Variants in ATAD1 observed in about 807,000 individuals in gnomAD.
ATAD1 encodes the protein ATPase family AAA domain containing 1.
Under a neutral mutation model 42.7 loss-of-function variants are expected in ATAD1, and 18 were observed. That is an observed-to-expected ratio of 0.42 (90% CI 0.29 to 0.63). The LOEUF (loss-of-function observed/expected upper bound fraction) is 0.63. Ranked by LOEUF, ATAD1 falls within the 20% of genes least tolerant of loss-of-function variation. ATAD1 has a pLI of 0.19. For missense variants in ATAD1, 294 were observed against 440.4 expected (o/e 0.67, Z 2.98); for synonymous variants, 132 against 143.1 (o/e 0.92, Z 0.55).
intron 4 of ATAD1, among the ~76,000 whole-genome samples, chr10:87,785,111 C>T (rs1406568753): frequency 1.3e-5 from 2 of 152,150 alleles, no homozygotes; most frequent in Non-Finnish European, 2.9e-5. Flanking sequence ...TAAGTTTTAG[C>T]CAAAGGACAT....
chr10:87,770,229 G>A (rs1414565727), intron 7 of ATAD1, among the ~76,000 whole-genome samples: 1 of 152,178 alleles, frequency 6.6e-6, no homozygotes, highest in African/African-American at 2.4e-5. Context: ...ATTAGAGTAA[G>A]TTCCTCTAAA....
rs1325689055 is a variant in ATAD1 at position 87,751,640 on chromosome 10, TAGAGA to T, written c.*3042_*3046del. 3 of 152,178 alleles carry T rather than the reference TAGAGA, an allele frequency of 2.0e-5. No individual in the cohort carries two copies. The highest frequency in any genetic ancestry group is 7.2e-5 in the African/African-American group (3 of 41,440). The allele number at this position is 152,178 out of a possible 1,614,324, so 9.4% of individuals were successfully genotyped here. A position where few individuals can be genotyped will look rare whatever the true frequency, so the allele number is the denominator to read the frequency against. On this transcript the variant is annotated 3_prime_UTR_variant, in exon 10 of 10. Coordinates refer to ENST00000680024, the MANE Select transcript of ATAD1 (RefSeq NM_001321967.2). ...AGAACTTTAGCTTTAAAAAAAAGATTAGAGAACTCTATCTTTGATAACTAAATCTA... is the reference window on the plus strand; with the variant it reads ...AGAACTTTAGCTTTAAAAAAAAGATTACTCTATCTTTGATAACTAAATCTA...
At chr10:87,798,837 T>C (rs1009518546) in intron 2 of ATAD1, among the ~76,000 whole-genome samples, 1 of 152,126 alleles carries the variant, frequency 6.6e-6, no homozygotes, top group Admixed American at 6.6e-5. Context: ...AGCTGACAAC[T>C]GCCTAGGGTA....
intron 2 of ATAD1, among the ~76,000 whole-genome samples, chr10:87,802,773 C>T (rs1054919144): frequency 1.3e-5 from 2 of 152,052 alleles, no homozygotes; most frequent in Non-Finnish European, 2.9e-5. Context: ...AAACTGGAGA[C>T]AGAGAAATTA....
chr10:87,802,007 T>C (rs1856718592), intron 2 of ATAD1, among the ~76,000 whole-genome samples: 1 of 152,342 alleles, frequency 6.6e-6, no homozygotes, highest in East Asian at 1.9e-4. Context: ...TATTGACAGC[T>C]TCTAACAATT....
chr10:87,833,727 CTTTTT>C lies in ATAD1; in HGVS notation c.-14+7455_-14+7459del, dbSNP rs3033524. On this transcript the variant is annotated intron_variant, in intron 1 of 4. Coordinates refer to the ATAD1 transcript ENST00000495903. The stretch of plus-strand genomic sequence containing the variant: ...CTTTCTCTCTCTCTTTCTTTCTTTC[CTTTTT>C]TTTTTTTTTTTTTTTGATAGAGTCT... 6.0e-5 allele frequency among the ~76,000 whole-genome samples: 6 copies of C among 100,764 alleles called. No individual in the cohort carries two copies. The East Asian group carries it at 8.2e-4, about 14-fold the overall frequency. 66.1% of individuals were successfully genotyped at this position (100,764 alleles called of 152,430 possible). A position where few individuals can be genotyped will look rare whatever the true frequency, so the allele number is the denominator to read the frequency against.
At chr10:87,823,860 T>C (rs905595362) in intron 1 of ATAD1, among the ~76,000 whole-genome samples, 1 of 152,194 alleles carries the variant, frequency 6.6e-6, no homozygotes, top group Non-Finnish European at 1.5e-5. Context: ...TTTTAAAAAT[T>C]AAGATCGCAT....
intron 6 of ATAD1, among the ~76,000 whole-genome samples, chr10:87,773,242 C>A (rs1403108430): frequency 2.0e-5 from 3 of 151,998 alleles, no homozygotes; most frequent in Admixed American, 2.0e-4. Flanking sequence ...AATTTACATC[C>A]CAAAACTTTA....
chr10:87,763,028 C>G (rs1854564551), intron 8 of ATAD1, among the ~76,000 whole-genome samples: 1 of 130,866 alleles, frequency 7.6e-6, no homozygotes, highest in South Asian at 2.4e-4. Context: ...TTGCAGTGAG[C>G]CAAGATCATG....
chr10:87,826,512 T>A (rs529589142), intron 1 of ATAD1, among the ~76,000 whole-genome samples: 1 of 152,340 alleles, frequency 6.6e-6, no homozygotes, highest in South Asian at 2.1e-4. Flanking sequence ...TCTTCTTCTA[T>A]AGTGTTTTGT....
upstream of ATAD1, among the ~76,000 whole-genome samples, chr10:87,821,720 T>G (rs1857634703): frequency 6.6e-6 from 1 of 152,224 alleles, no homozygotes; most frequent in South Asian, 2.1e-4. Flanking sequence ...GGAAGGTGTC[T>G]GTCTGCAAGC....
intron 2 of ATAD1, among the ~76,000 whole-genome samples, chr10:87,794,026 A>C (rs776223022): frequency 1.4e-4 from 22 of 152,064 alleles, no homozygotes; most frequent in Admixed American, 3.9e-4. Flanking sequence ...GGAGTTCGAG[A>C]CCAGCCTGGG....
chr10:87,773,574 G>A (rs938902926), intron 6 of ATAD1, among the ~76,000 whole-genome samples: 26 of 152,046 alleles, frequency 1.7e-4, no homozygotes, highest in Middle Eastern at 3.2e-3. Flanking sequence ...AAAAGTGACC[G>A]CAGTTTAATA....
At chr10:87,787,557 A>T (rs1428630151) in intron 4 of ATAD1, among the ~76,000 whole-genome samples, 2 of 152,182 alleles carry the variant, frequency 1.3e-5, no homozygotes, top group African/African-American at 2.4e-5. Context: ...AGGCTGCAGC[A>T]GTGGGCTATG....
chr10:87,810,365 ATATAC>A (rs1406553420), intron 2 of ATAD1, among the ~76,000 whole-genome samples: 2 of 152,002 alleles, frequency 1.3e-5, no homozygotes, highest in South Asian at 2.1e-4. Flanking sequence ...TTTTGGCACA[ATATAC>A]TATACATGTC....
At chr10:87,762,524 G>A (rs1386588501) in intron 8 of ATAD1, among the ~76,000 whole-genome samples, 2 of 151,640 alleles carry the variant, frequency 1.3e-5, no homozygotes, top group Non-Finnish European at 2.9e-5. Context: ...GAGTACAGTG[G>A]CGCGATCTCG....
At chr10:87,776,972 T>C (rs2131844070) in intron 5 of ATAD1, among the ~76,000 whole-genome samples, 1 of 152,306 alleles carries the variant, frequency 6.6e-6, no homozygotes, top group Middle Eastern at 3.4e-3. Context: ...GTTTTAAAGC[T>C]GAAAACTTTA....
chr10:87,812,326 G>GAC (rs1451103091), intron 2 of ATAD1, among the ~76,000 whole-genome samples: 1 of 152,066 alleles, frequency 6.6e-6, no homozygotes, highest in Non-Finnish European at 1.5e-5. Flanking sequence ...GCCCAGGCTG[G>GAC]AGTGCAGGGG....
At chr10:87,776,840 T>G (rs1424473979) in intron 5 of ATAD1, among the ~76,000 whole-genome samples, 5 of 152,232 alleles carry the variant, frequency 3.3e-5, no homozygotes, top group African/African-American at 9.6e-5. Flanking sequence ...TTTTAGATGA[T>G]GGGTATTCTA....
Sources: gnomAD v4.1 joint callset for allele counts (sites outside exome capture counted in the v4.1 genomes callset) on GRCh38, gnomAD v4.1.1 for gene constraint, MANE v1.5 for transcripts, NCBI Gene and HGNC (gene_info 2026-07-23, HGNC 2026-07-21) for gene names.